The following SPTB variants were observed in gnomAD, a reference collection of about 807,000 sequenced individuals.
SPTB encodes spectrin beta chain, erythrocytic.
A neutral mutation model predicts 256.2 loss-of-function variants in SPTB; 45 were observed. That is an observed-to-expected ratio of 0.18 (90% confidence interval 0.14 to 0.23). SPTB has a LOEUF of 0.23. Ranked by LOEUF, SPTB falls within the 10% of genes least tolerant of loss-of-function variation. SPTB has a pLI of 1.00. For synonymous variants in SPTB, 1,231 were observed against 1,243.1 expected, an observed-to-expected ratio of 0.99 and a Z score of 0.21; for missense variants, 2,715 against 3,040.4, an observed-to-expected ratio of 0.89 and a Z score of 2.52.
rs952765794 is a variant in SPTB, at chr14:64,772,094, G to C, written c.5553+486C>G. On this transcript the variant is annotated intron_variant, in intron 26 of 35. Coordinates refer to ENST00000644917, the MANE Select transcript of SPTB (RefSeq NM_001355436.2). The surrounding 1 kb of genome is among the most constrained non-coding windows in gnomAD (Gnocchi z 5.4). ...AAAGGCTGAAGTGCCCGGTGGCTAA[G>C]TATGTGGGGTCTATAGCTAGACTGC... 6.6e-6 allele frequency among the ~76,000 whole-genome samples: 1 copy of C among 152,202 alleles called. No individual in the cohort carries two copies. Among genetic ancestry groups the C allele is most frequent in the African/African-American group, 2.4e-5 (1 of 41,450 alleles).
chr14:64,870,607 G>A (rs949909168), intron 1 of SPTB, among the ~76,000 whole-genome samples: 1 of 152,224 alleles, frequency 6.6e-6, no homozygotes, highest in Admixed American at 6.5e-5. Flanking sequence ...CAAAGACAGT[G>A]TTCTGAAACA....
intron 1 of SPTB, among the ~76,000 whole-genome samples, chr14:64,867,214 C>A (rs1882238259): frequency 1.3e-5 from 2 of 152,228 alleles, no homozygotes; most frequent in Admixed American, 1.3e-4. Flanking sequence ...ATTAGCCCCT[C>A]TTCATAATCT....
rs977756620 is a variant in SPTB, at chr14:64,853,242, T to G, written c.-52+26550A>C. On this transcript the variant is annotated intron_variant, in intron 1 of 35. Coordinates refer to ENST00000644917, the MANE Select transcript of SPTB (RefSeq NM_001355436.2). The surrounding 1 kb of genome is among the most constrained non-coding windows in gnomAD (Gnocchi z 4.3). ...ATGAATGGCTGGAGACCAGAGAAAT[T>G]TAGAGTCATTATCAGTAAATAGGTG... Among the ~76,000 whole-genome samples the G allele has an allele frequency of 3.3e-5, 5 of 151,928 alleles. No individual in the cohort carries two copies. The South Asian group carries it at 1.0e-3, about 32-fold the overall frequency.
intron 1 of SPTB, among the ~76,000 whole-genome samples, chr14:64,865,379 A>G (rs7158502): frequency 0.031 from 4,783 of 151,912 alleles, 246 homozygotes; most frequent in African/African-American, 0.11. Context: ...GGTGAGATGT[A>G]AAGTGACTTC....
Position 64,793,604 on chromosome 14 carries a change from G to A in SPTB, c.2059C>T (p.Arg687Cys), listed in dbSNP as rs763916428. 35 of 1,614,024 alleles carry A rather than the reference G, an allele frequency of 2.2e-5. No individual in the cohort carries two copies. The highest frequency in any genetic ancestry group is 5.0e-5 in the Admixed American group (3 of 59,998). Residue 687 changes from arginine to cysteine, a missense_variant, in exon 14 of 36, where the codon CGT becomes TGT. Physicochemically the swap from Arg to Cys is radical, Grantham distance 180. Around this residue, in one of 4 missense-constraint regions of SPTB, gnomAD observed 2,239 missense variants for 2,384.4 expected, o/e 0.94. Coordinates refer to ENST00000644917, the MANE Select transcript of SPTB (RefSeq NM_001355436.2). This position sits in a 1 kb window ranked among gnomAD's most constrained non-coding sequence, Gnocchi z 7.0. ...RKHKAFEDEL[R>C]GLDAHLEQIF... ...TGCTCCAGGTGAGCATCCAGCCCAC[G>A]GAGCTCATCCTCAAAGGCCTTGTGC...
intron 3 of SPTB, among the ~76,000 whole-genome samples, chr14:64,804,264 C>T (rs2082941862): frequency 6.6e-6 from 1 of 152,190 alleles, no homozygotes; most frequent in Admixed American, 6.5e-5. Context: ...AGTGGAATTT[C>T]AATGCAGGGT....
At position 64,769,071 on chromosome 14, in the gene SPTB, A is replaced by T; in HGVS notation, c.5985T>A (p.Asn1995Lys). The change falls in exon 29 of 36, where the codon AAT (asparagine) becomes AAA (lysine). Residue 1995 changes from asparagine to lysine, a missense_variant. Coordinates refer to ENST00000644917, the MANE Select transcript of SPTB (RefSeq NM_001355436.2). ...GCTCCCAGCGGGCTTCCCACTTCTC[A>T]TTCATCTCTTTCCTCCTGGACATCA... ...QQVMSRRKEM[N>K]EKWEARWERL... 1 of 1,613,640 alleles carries T rather than the reference A, an allele frequency of 6.2e-7. No individual in the cohort carries two copies. Among genetic ancestry groups the T allele is most frequent in the East Asian group, 2.2e-5 (1 of 44,856 alleles).
At chr14:64,803,254 C>A (rs148232163) in intron 4 of SPTB, among the ~76,000 whole-genome samples, 1 of 152,164 alleles carries the variant, frequency 6.6e-6, no homozygotes, top group East Asian at 1.9e-4. Context: ...AGATCTTCTA[C>A]ACAATTTTTG....
chr14:64,775,193 C>T lies in SPTB; in HGVS notation c.4774G>A (p.Asp1592Asn). The T allele has an allele frequency of 1.2e-6, 2 of 1,613,974 alleles. No individual in the cohort carries two copies. The highest frequency in any genetic ancestry group is 1.7e-6 in the Non-Finnish European group (2 of 1,180,040). ...ATCCAGGCCTCAGCCTCGTCTGCATCCAGGTAGTACTGCTGTGCCTCGTTG... is the reference window on the plus strand; with the variant it reads ...ATCCAGGCCTCAGCCTCGTCTGCATTCAGGTAGTACTGCTGTGCCTCGTTG... Reference protein sequence around the residue: ...DANEAQQYYLDADEAEAWIGE... With the variant: ...DANEAQQYYLNADEAEAWIGE... The change falls in exon 23 of 36, where the codon GAT becomes AAT. Residue 1592 changes from aspartate to asparagine, a missense_variant. Transcript: ENST00000644917. This position sits in a 1 kb window ranked among gnomAD's most constrained non-coding sequence, Gnocchi z 5.0.
rs751479346 is a variant in SPTB, at chr14:64,772,990, G to C, written c.5179-36C>G. Reference sequence around the variant, plus strand: ...GGCAGACAGAAATGTGGTTATGGGGGGCACAGGGGTTACAGGTGTCACCAG... The same window carrying C: ...GGCAGACAGAAATGTGGTTATGGGGCGCACAGGGGTTACAGGTGTCACCAG... On this transcript the variant is annotated intron_variant, in intron 25 of 35. Coordinates refer to ENST00000644917, the MANE Select transcript of SPTB (RefSeq NM_001355436.2). This position sits in a 1 kb window ranked among gnomAD's most constrained non-coding sequence, Gnocchi z 5.4. 4.4e-6 allele frequency: 7 copies of C among 1,589,036 alleles called. 1 individual carries two copies. In the African/African-American group the frequency reaches 8.0e-5, roughly 18 times the overall value.
rs1345434981 is a variant in SPTB at position 64,800,798 on chromosome 14, G to C, written c.834C>G (p.Ser278=). 1 of 1,614,224 alleles carries C rather than the reference G, an allele frequency of 6.2e-7. No individual in the cohort carries two copies. Among genetic ancestry groups the C allele is most frequent in the South Asian group, 1.1e-5 (1 of 91,082 alleles). ...CCTCCACTGCCAGCACCTTCATCTT[G>C]GAGAAGTAGTGGTAAAAGGCCACCA... The part of the protein sequence containing the change: ...TYVVAFYHYF[S]KMKVLAVEGK... Residue 278 remains serine (S), a synonymous_variant, in exon 8 of 36, where the codon TCC becomes TCG. Transcript: ENST00000644917.
intron 6 of SPTB, 90 bp downstream of exon 6, chr14:64,801,664 T>C: frequency 1.5e-6 from 2 of 1,335,716 alleles, no homozygotes; most frequent in Middle Eastern, 2.3e-4. Context: ...AGAGGTCACA[T>C]TTCTGTGACT....
chr14:64,822,924 A>AC, intron 2 of SPTB, 23 bp downstream of exon 2: 1 of 1,612,656 alleles, frequency 6.2e-7, no homozygotes. Context: ...ATGCCCTCCA[A>AC]CCCTTGTGGC....
rs927664697 is a variant in SPTB, at chr14:64,853,958, G to A, written c.-52+25834C>T. Among the ~76,000 whole-genome samples, 20 of 152,272 alleles carry A rather than the reference G, an allele frequency of 1.3e-4. No individual in the cohort carries two copies. The highest frequency in any genetic ancestry group is 7.8e-4 in the Admixed American group (12 of 15,290). ...TGTAATCCCAGTACTTTGGGAGACC[G>A]AGGCAGGTAGATCACCTGAGGTCAG... On this transcript the variant is annotated intron_variant, in intron 1 of 35. Transcript: ENST00000644917. The surrounding 1 kb of genome is among the most constrained non-coding windows in gnomAD (Gnocchi z 4.3).
intron 7 of SPTB, 102 bp from the exon 8 acceptor site, chr14:64,800,970 GGCA>G: frequency 1.1e-6 from 1 of 889,570 alleles, no homozygotes; most frequent in Non-Finnish European, 1.8e-6. Flanking sequence ...TTCAACTACA[GGCA>G]GCAAGTGACA....
At chr14:64,871,902 A>G (rs1039190438) in intron 1 of SPTB, among the ~76,000 whole-genome samples, 2 of 152,246 alleles carry the variant, frequency 1.3e-5, no homozygotes, top group African/African-American at 4.8e-5. Flanking sequence ...CCAATTCAAA[A>G]CATTTCTAAA....
Position 64,770,904 on chromosome 14 carries a change from C to T in SPTB, c.5779G>A (p.Glu1927Lys), listed in dbSNP as rs1232851302. 8 of 1,613,952 alleles carry T rather than the reference C, an allele frequency of 5.0e-6. No individual in the cohort carries two copies. Among genetic ancestry groups the T allele is most frequent in the East Asian group, 4.5e-5 (2 of 44,894 alleles). ...CCTCACCTGGGCCTCTCCTGGGTCT[C>T]GATCTGCCGGATGATGCTCTCCATC... ...SWMESIIRQI[E>K]TQERPRDVSS... The change falls in exon 27 of 36, where the codon GAG becomes AAG. Residue 1927 changes from glutamate (E) to lysine (K), a missense_variant. Glu to Lys is a moderately conservative substitution (Grantham distance 56). Transcript: ENST00000644917.
chr14:64,822,304 G>A (rs1030112074), intron 2 of SPTB, among the ~76,000 whole-genome samples: 1 of 102,726 alleles, frequency 9.7e-6, no homozygotes, highest in Non-Finnish European at 2.2e-5. Context: ...AACAGGGGGA[G>A]GAGAAGTCAT....
At chr14:64,780,679 C>T (rs2082453897) in intron 20 of SPTB, among the ~76,000 whole-genome samples, 1 of 152,222 alleles carries the variant, frequency 6.6e-6, no homozygotes, top group African/African-American at 2.4e-5. Context: ...TCCCAAAGTG[C>T]TGGGATTACA....
Sources: gnomAD v4.1 joint callset for allele counts (sites outside exome capture counted in the v4.1 genomes callset) on GRCh38, gnomAD v4.1.1 for gene constraint, gnomAD v4.1.1 regional missense constraint, Gnocchi (gnomAD v3.1) non-coding constraint, MANE v1.5 for transcripts, NCBI Gene and HGNC (gene_info 2026-07-23, HGNC 2026-07-21) for gene names.